The following CMTM4 variants were observed in gnomAD, a reference collection of about 807,000 sequenced individuals.
CMTM4 encodes the protein CKLF-like MARVEL transmembrane domain-containing protein 4.
In CMTM4, 8 loss-of-function variants were observed where a neutral mutation model predicts 19.0. The observed-to-expected ratio is 0.42, with a 90% CI of 0.25 to 0.76. The LOEUF is 0.76. CMTM4 is among the 30% of genes least tolerant of loss of function. The pLI, the probability that CMTM4 is intolerant of heterozygous loss-of-function variation, is 0.27. For missense variants in CMTM4, 228 were observed against 290.2 expected, an observed-to-expected ratio of 0.79 and a Z score of 1.56; for synonymous variants, 106 against 121.1, an observed-to-expected ratio of 0.88 and a Z score of 0.82.
chr16:66,622,237 G>A lies in CMTM4; in HGVS notation c.463-15C>T. Reference sequence around the variant, plus strand: ...AAGCCAAATATCTAAAAACACACCAGCACAGTTAGTCCTCGGGCACGTGGC... The same window carrying A: ...AAGCCAAATATCTAAAAACACACCAACACAGTTAGTCCTCGGGCACGTGGC... On this transcript the variant is annotated splice_polypyrimidine_tract_variant and intron_variant, in intron 3 of 3. Transcript: ENST00000394106. This position sits in a 1 kb window ranked among gnomAD's most constrained non-coding sequence, Gnocchi z 4.0. 6.2e-7 allele frequency: 1 copy of A among 1,612,752 alleles called. No individual in the cohort carries two copies. Among genetic ancestry groups the A allele is most frequent in the South Asian group, 1.1e-5 (1 of 90,746 alleles).
the CMTM4 span, chr16:66,604,714 G>C: frequency 2.9e-6 from 3 of 1,018,672 alleles, no homozygotes; most frequent in Non-Finnish European, 3.7e-6. Flanking sequence ...AGTGTCGCCT[G>C]CCCTCCTTCC....
downstream of CMTM4, chr16:66,610,025 C>A (rs765826671): frequency 5.0e-6 from 8 of 1,612,464 alleles, no homozygotes; most frequent in Non-Finnish European, 3.4e-6. This position sits in a 1 kb window ranked among gnomAD's most constrained non-coding sequence, Gnocchi z 4.6. Flanking sequence ...CCCTGATCAC[C>A]CCAGCAGTGC....
chr16:66,683,201 A>ATGTG, intron 1 of CMTM4, among the ~76,000 whole-genome samples: 1 of 133,778 alleles, frequency 7.5e-6, no homozygotes, highest in African/African-American at 2.9e-5. Flanking sequence ...ATACATATAT[A>ATGTG]TATATATATA....
intron 1 of CMTM4, among the ~76,000 whole-genome samples, chr16:66,677,182 A>G (rs886905943): frequency 1.3e-5 from 2 of 152,226 alleles, no homozygotes; most frequent in African/African-American, 2.4e-5. Flanking sequence ...GGCTGCAGTG[A>G]GCCATGATTG....
chr16:66,630,582 C>T (rs373229834), intron 2 of CMTM4, among the ~76,000 whole-genome samples: 10,897 of 150,820 alleles, frequency 0.072, 443 homozygotes, highest in African/African-American at 0.12. Flanking sequence ...GCGAGTGATC[C>T]GCCAGCCTCG....
intron 1 of CMTM4, among the ~76,000 whole-genome samples, chr16:66,640,546 G>A (rs1313903582): frequency 5.3e-5 from 8 of 152,172 alleles, no homozygotes; most frequent in Admixed American, 5.2e-4. Context: ...CTCTGAGTGT[G>A]ATGGAAGCAC....
At chr16:66,609,756 CAG>C (rs1245204156), downstream of CMTM4, 1 of 1,593,350 alleles carries the variant, frequency 6.3e-7, no homozygotes, top group Non-Finnish European at 8.5e-7. This position sits in a 1 kb window ranked among gnomAD's most constrained non-coding sequence, Gnocchi z 4.4. Flanking sequence ...CCGTTACTCA[CAG>C]GGGTCTGTGC....
rs541292507 is a variant in CMTM4, at chr16:66,676,980, T to C, written c.186+19360A>G. On this transcript the variant is annotated intron_variant, in intron 1 of 3. Transcript: ENST00000394106. The stretch of plus-strand genomic sequence containing the variant: ...AAAAACCAGTGACAGCCAGGTGTGG[T>C]GGCTCATGCCTGTAATCCCAGTACT... Among the ~76,000 whole-genome samples, 13 of 152,274 alleles carry C rather than the reference T, an allele frequency of 8.5e-5. No individual in the cohort carries two copies. The South Asian group carries it at 1.9e-3, about 22-fold the overall frequency.
intron 2 of CMTM4, among the ~76,000 whole-genome samples, chr16:66,632,880 C>T (rs2015901842): frequency 6.6e-6 from 1 of 151,422 alleles, no homozygotes; most frequent in Non-Finnish European, 1.5e-5. Context: ...GTTGGGAGTC[C>T]AAGACCAGTC....
In CMTM4 at chr16:66,638,069, C is replaced by T. The variant is rs769852613; in HGVS notation, c.187-1488G>A. Among the ~76,000 whole-genome samples the T allele has an allele frequency of 3.9e-5, 6 of 152,274 alleles. No homozygotes were observed. In the South Asian group the frequency reaches 8.3e-4, roughly 21 times the overall value. ...TTTCCAATGCTCCACTTGATGATGC[C>T]GCCACCTCCTCCCCATGTCTTCCCT... On this transcript the variant is annotated intron_variant, in intron 1 of 3. Transcript: ENST00000394106.
the CMTM4 span, among the ~76,000 whole-genome samples, chr16:66,606,862 G>A: frequency 2.0e-5 from 3 of 152,144 alleles, no homozygotes; most frequent in Non-Finnish European, 4.4e-5. Context: ...GTTTGGTGGC[G>A]GGCGCCTGTA....
chr16:66,656,157 T>C (rs1046153873), intron 1 of CMTM4, among the ~76,000 whole-genome samples: 1 of 151,674 alleles, frequency 6.6e-6, no homozygotes, highest in Non-Finnish European at 1.5e-5. Context: ...AGTATTAAAA[T>C]CAATGAAAAA....
rs963535590 is a variant in CMTM4 at position 66,692,097 on chromosome 16, GT to G, written c.186+4242del. ...GCTAGCACCTGTGTGAGGTTTTGTT[GT>G]TTTTTTTTTTGAGATGGAGTCTTGC... On this transcript the variant is annotated intron_variant, in intron 1 of 3. Coordinates refer to ENST00000394106, the MANE Select transcript of CMTM4 (RefSeq NM_181521.3). Among the ~76,000 whole-genome samples, 1,031 of 146,098 alleles carry G rather than the reference GT, an allele frequency of 7.1e-3. 8 individuals carry two copies. Among genetic ancestry groups the G allele is most frequent in the Non-Finnish European group, 0.012 (782 of 65,904 alleles).
chr16:66,670,316 T>G (rs1377440120), intron 1 of CMTM4, among the ~76,000 whole-genome samples: 1 of 148,642 alleles, frequency 6.7e-6, no homozygotes, highest in Non-Finnish European at 1.5e-5. Context: ...TAGCCAGGCT[T>G]GGTGGCATGC....
At chr16:66,692,028 G>A (rs941246273) in intron 1 of CMTM4, among the ~76,000 whole-genome samples, 2 of 151,820 alleles carry the variant, frequency 1.3e-5, no homozygotes, top group African/African-American at 4.8e-5. Context: ...TCATTTTACC[G>A]AAAAATCTCA....
At chr16:66,604,940 G>T in the CMTM4 span, 1 of 1,503,248 alleles carries the variant, frequency 6.7e-7, no homozygotes, top group Non-Finnish European at 8.8e-7. Flanking sequence ...GCCGCCTCCT[G>T]CTGGCCGAGT....
the CMTM4 span, among the ~76,000 whole-genome samples, chr16:66,606,536 T>G: frequency 1.2e-4 from 19 of 152,140 alleles, no homozygotes; most frequent in Non-Finnish European, 1.5e-4. Context: ...AGTTCATTTG[T>G]CTGAAGCAGC....
intron 1 of CMTM4, among the ~76,000 whole-genome samples, chr16:66,654,484 A>C (rs1441491478): frequency 2.0e-5 from 3 of 152,138 alleles, no homozygotes; most frequent in African/African-American, 7.2e-5. Context: ...TCACCCTTCT[A>C]GTCTGAATGT....
At chr16:66,655,237 C>G (rs1327428580) in intron 1 of CMTM4, among the ~76,000 whole-genome samples, 1 of 152,138 alleles carries the variant, frequency 6.6e-6, no homozygotes, top group Non-Finnish European at 1.5e-5. Flanking sequence ...TCCCAAAGTG[C>G]TGAGATTACA....
Sources: gnomAD v4.1 joint callset for allele counts (sites outside exome capture counted in the v4.1 genomes callset) on GRCh38, gnomAD v4.1.1 for gene constraint, Gnocchi (gnomAD v3.1) non-coding constraint, MANE v1.5 for transcripts, NCBI Gene and HGNC (gene_info 2026-07-23, HGNC 2026-07-21) for gene names.